The following STRA6 variants were observed in gnomAD, a reference collection of about 807,000 sequenced individuals.
STRA6 encodes the protein signaling receptor and transporter of retinol STRA6.
In STRA6, 48 loss-of-function variants were observed where a neutral mutation model predicts 83.6. The observed-to-expected ratio is 0.57, with a 90% CI of 0.46 to 0.73. The LOEUF (loss-of-function observed/expected upper bound fraction) is 0.73, where lower values mean the gene tolerates loss of function less well. STRA6 is among the 30% of genes least tolerant of loss of function. The probability of loss-of-function intolerance (pLI) is 0.00; values close to 1 mark genes in which losing one functional copy is unlikely to be tolerated. For synonymous variants in STRA6, 353 were observed against 362.3 expected (o/e 0.97, Z 0.29); for missense variants, 760 against 838.8 (o/e 0.91, Z 1.16).
intron 8 of STRA6, chr15:74,191,911 C>CT: frequency 3.2e-6 from 1 of 315,774 alleles, no homozygotes; most frequent in East Asian, 8.0e-5. Context: ...CCAGGTCAGA[C>CT]ACCCTCAGGC....
intron 6 of STRA6, 54 bp from the exon 7 acceptor site, chr15:74,195,522 T>C (rs1567192624): frequency 1.2e-6 from 2 of 1,601,278 alleles, no homozygotes; most frequent in Non-Finnish European, 1.7e-6. Context: ...ACATGGGGCC[T>C]GCAGTGAGCC....
chr15:74,196,274 C>G (rs2073817313), intron 4 of STRA6, 127 bp from the exon 5 acceptor site: 22 of 1,384,176 alleles, frequency 1.6e-5, no homozygotes, highest in Non-Finnish European at 1.6e-5. Context: ...GGAATAAGGC[C>G]CCTTCATTCA....
At chr15:74,197,315 G>A (rs969201834) in intron 4 of STRA6, 23 bp downstream of exon 4, 17 of 1,539,404 alleles carry the variant, frequency 1.1e-5, no homozygotes, top group Non-Finnish European at 1.5e-5. Flanking sequence ...CCTGAGTGGG[G>A]GTGCCCAGGC....
At chr15:74,210,839 A>AGAGAG (rs2074356476), upstream of STRA6, among the ~76,000 whole-genome samples, 1 of 152,184 alleles carries the variant, frequency 6.6e-6, no homozygotes, top group Non-Finnish European at 1.5e-5. Context: ...GTTCTCAAAA[A>AGAGAG]GAGAGGTGTT....
intron 12 of STRA6, among the ~76,000 whole-genome samples, chr15:74,186,484 T>C (rs2073251557): frequency 6.6e-6 from 1 of 152,164 alleles, no homozygotes; most frequent in African/African-American, 2.4e-5. Flanking sequence ...GGCGGGCCCC[T>C]GTAATCCCAG....
chr15:74,181,311 G>A lies in STRA6; in HGVS notation c.1668C>T (p.Ala556=), dbSNP rs372149672. ...TGACCTTACCGGGGTCGAGAGTGGC[G>A]GCTCTCGGTGGCAGCAGGCTGAGGT... ...QMDLSLLPPR[A]ATLDPGYYTY... is the part of the protein sequence containing the mutation. Residue 556 remains alanine (A), a synonymous_variant, in exon 17 of 19, where the codon GCC becomes GCT. Coordinates refer to ENST00000395105, the MANE Select transcript of STRA6 (RefSeq NM_022369.4). 108 of 1,611,892 alleles carry A rather than the reference G, an allele frequency of 6.7e-5. 1 individual carries two copies. In the Admixed American group the frequency reaches 7.5e-4, roughly 11 times the overall value.
intron 1 of STRA6, chr15:74,207,905 G>A (rs1161019900): frequency 2.4e-5 from 35 of 1,485,112 alleles, no homozygotes; most frequent in East Asian, 1.5e-4. Flanking sequence ...GTCGGCTGCC[G>A]TGCTCACGGC....
In STRA6 at chr15:74,189,347, G is replaced by A; in HGVS notation, c.928-70C>T. The A allele has an allele frequency of 4.5e-6, 7 of 1,543,396 alleles. 1 individual carries two copies. In the South Asian group the frequency reaches 8.3e-5, roughly 18 times the overall value. ...TCTGTGCTAACAGGGGAGACGCTGG[G>A]GAAGAAACTGGCAGCACACAGGCCC... On this transcript the variant is annotated intron_variant, in intron 11 of 18. Transcript: ENST00000395105.
At chr15:74,194,805 G>GTACCATCAC (rs2073731674) in intron 7 of STRA6, 4 of 1,305,732 alleles carry the variant, frequency 3.1e-6, no homozygotes, top group Non-Finnish European at 3.9e-6. Flanking sequence ...TCTAAAGCCT[G>GTACCATCAC]TACCATCACT....
intron 4 of STRA6, 59 bp from the exon 5 acceptor site, chr15:74,196,206 C>A: frequency 6.2e-7 from 1 of 1,602,696 alleles, no homozygotes. Context: ...ACCCCCATTA[C>A]CTCCCAGCTG....
chr15:74,190,127 C>A (rs897238050), intron 11 of STRA6, among the ~76,000 whole-genome samples: 1 of 152,134 alleles, frequency 6.6e-6, no homozygotes, highest in African/African-American at 2.4e-5. Context: ...TGGAACCAAC[C>A]CACCTCAGAT....
upstream of STRA6, among the ~76,000 whole-genome samples, chr15:74,204,551 C>G (rs1429804326): frequency 6.6e-6 from 1 of 152,244 alleles, no homozygotes; most frequent in Non-Finnish European, 1.5e-5. Context: ...AAATCCACCT[C>G]CAACCATTGG....
intron 12 of STRA6, among the ~76,000 whole-genome samples, chr15:74,186,410 C>A (rs527294264): frequency 9.2e-5 from 14 of 152,344 alleles, no homozygotes; most frequent in African/African-American, 1.2e-4. Flanking sequence ...AAGTTCGAGA[C>A]CAGCCTGACC....
intron 4 of STRA6, 39 bp downstream of exon 4, chr15:74,197,299 G>A: frequency 6.8e-7 from 1 of 1,464,452 alleles, no homozygotes; most frequent in South Asian, 1.2e-5. Flanking sequence ...CCTGTCAGCT[G>A]GGTCCCCTGA....
chr15:74,182,297 G>T, intron 15 of STRA6, 35 bp from the exon 16 acceptor site: 5 of 1,612,676 alleles, frequency 3.1e-6, no homozygotes, highest in Non-Finnish European at 3.4e-6. Context: ...CGCTGTTAGC[G>T]GACCTCTAAG....
chr15:74,199,017 G>C (rs531042060), intron 2 of STRA6, among the ~76,000 whole-genome samples: 1 of 152,216 alleles, frequency 6.6e-6, no homozygotes, highest in South Asian at 2.1e-4. Context: ...GTAGAGCTCC[G>C]GGTTTTCCCA....
chr15:74,208,734 T>G (rs566497735), intron 1 of STRA6: 26 of 988,122 alleles, frequency 2.6e-5, no homozygotes, highest in Middle Eastern at 5.2e-4. Context: ...ACACCCCATG[T>G]GCCTTCTCGC....
In STRA6 at chr15:74,180,113, C is replaced by T. The variant is rs750328377; in HGVS notation, c.1971G>A (p.Thr657=). ...GGGCACCATTGGCACCCAACAGGGC[C>T]GTCTTGCGGAAGACCTGCAGGGTTG... ...HNPTLQVFRK[T]ALLGANGAQP is the part of the protein sequence containing the mutation. The change falls in exon 19 of 19, where the codon ACG becomes ACA. Residue 657 remains threonine (T), a synonymous_variant. Coordinates refer to ENST00000395105, the MANE Select transcript of STRA6 (RefSeq NM_022369.4). The T allele has an allele frequency of 2.6e-5, 42 of 1,613,522 alleles. No individual in the cohort carries two copies. The highest frequency in any genetic ancestry group is 3.3e-4 in the Middle Eastern group (2 of 6,080).
intron 1 of STRA6, 72 bp downstream of exon 1, chr15:74,202,641 G>A: frequency 7.0e-7 from 1 of 1,422,596 alleles, no homozygotes; most frequent in Non-Finnish European, 9.1e-7. Context: ...GGCTTGTCCA[G>A]TCTGAGCTGC....
Sources: allele counts gnomAD v4.1 joint callset (sites outside exome capture counted in the v4.1 genomes callset), GRCh38; gene constraint gnomAD v4.1.1; transcripts MANE v1.5; gene names NCBI Gene and HGNC (gene_info 2026-07-23, HGNC 2026-07-21).